The following KIRREL3 variants were observed in gnomAD, a reference collection of about 807,000 sequenced individuals.
The protein encoded by KIRREL3 is kin of IRRE-like protein 3.
KIRREL3 carries 36 observed loss-of-function variants against 89.7 expected under a neutral mutation model. The ratio of observed to expected loss-of-function variants is 0.40; its 90% confidence interval spans 0.31 to 0.53. The LOEUF is 0.53. Ranked by LOEUF, KIRREL3 falls within the 20% of genes least tolerant of loss-of-function variation. KIRREL3 has a pLI of 0.49. For missense variants in KIRREL3, 864 were observed against 1,056.6 expected (o/e 0.82, Z 2.53); for synonymous variants, 445 against 441.4 (o/e 1.01, Z -0.10).
At chr11:126,850,605 A>T (rs1944308498) in intron 1 of KIRREL3, among the ~76,000 whole-genome samples, 1 of 152,112 alleles carries the variant, frequency 6.6e-6, no homozygotes, top group Non-Finnish European at 1.5e-5. Context: ...AATCATAAAA[A>T]CCACTAAGGG....
intron 1 of KIRREL3, among the ~76,000 whole-genome samples, chr11:126,922,055 T>C (rs1947356344): frequency 6.6e-6 from 1 of 151,790 alleles, no homozygotes; most frequent in African/African-American, 2.4e-5. Context: ...CCTATCTATC[T>C]ATCCATCCAT....
rs1044533481 is a variant in KIRREL3 at position 126,931,328 on chromosome 11, C to G, written c.55+69127G>C. On this transcript the variant is annotated intron_variant, in intron 1 of 16. Transcript: ENST00000525144. This position sits in a 1 kb window ranked among gnomAD's most constrained non-coding sequence, Gnocchi z 5.1. ...TGAATGGATAGACTGGAATCTATTA[C>G]CTGCCTTTCCTCCCTCCCTCCATAC... Among the ~76,000 whole-genome samples the G allele has an allele frequency of 2.2e-5, 3 of 133,990 alleles. No individual in the cohort carries two copies. In the Admixed American group the frequency reaches 2.3e-4, roughly 10 times the overall value. The allele number at this position is 133,990 out of a possible 152,430, so 87.9% of individuals were successfully genotyped here. A position where few individuals can be genotyped will look rare whatever the true frequency, so the allele number is the denominator to read the frequency against.
In KIRREL3 at chr11:126,780,181, A is replaced by G. The variant is rs1950285801; in HGVS notation, c.56-217269T>C. Among the ~76,000 whole-genome samples, 1 of 152,218 alleles carries G rather than the reference A, an allele frequency of 6.6e-6. No individual in the cohort carries two copies. Among genetic ancestry groups the G allele is most frequent in the African/African-American group, 2.4e-5 (1 of 41,446 alleles). ...GGAGAAATTCAGGTTCAATGAAAGG[A>G]AAACAGGAAAAGACTGCAGAAGGAA... On this transcript the variant is annotated intron_variant, in intron 1 of 16. Coordinates refer to ENST00000525144, the MANE Select transcript of KIRREL3 (RefSeq NM_032531.4). This position sits in a 1 kb window ranked among gnomAD's most constrained non-coding sequence, Gnocchi z 5.3.
chr11:126,799,418 C>A (rs78214234), intron 1 of KIRREL3, among the ~76,000 whole-genome samples: 27 of 370 alleles, frequency 0.073, no homozygotes, highest in East Asian at 0.1. Flanking sequence ...GTGTGTGCGT[C>A]TCTGTGTGCA....
At chr11:126,727,717 A>G (rs1592031488) in intron 1 of KIRREL3, among the ~76,000 whole-genome samples, 2 of 152,378 alleles carry the variant, frequency 1.3e-5, no homozygotes, top group South Asian at 2.1e-4. Flanking sequence ...AAAGAAAATC[A>G]GATTTGACTT....
At chr11:126,961,699 A>G (rs1282023064) in intron 1 of KIRREL3, among the ~76,000 whole-genome samples, 5 of 152,244 alleles carry the variant, frequency 3.3e-5, no homozygotes, top group African/African-American at 1.2e-4. Context: ...GGCTACACTC[A>G]ACAACAGACT....
In KIRREL3 at chr11:126,998,502, G is replaced by A. The variant is rs187739142; in HGVS notation, c.55+1953C>T. On this transcript the variant is annotated intron_variant, in intron 1 of 16. Transcript: ENST00000525144. ...TGATGGCCAAGCTCAGAACACTCCA[G>A]GAGCACAAGGCATTAAGAACTGCAT... Among the ~76,000 whole-genome samples, 174 of 152,306 alleles carry A rather than the reference G, an allele frequency of 1.1e-3. 4 individuals carry two copies. Among genetic ancestry groups the A allele is most frequent in the African/African-American group, 2.6e-3 (107 of 41,560 alleles).
chr11:126,713,685 C>A (rs1358710460), intron 1 of KIRREL3, among the ~76,000 whole-genome samples: 1 of 152,164 alleles, frequency 6.6e-6, no homozygotes. Flanking sequence ...ATCAACTATG[C>A]AATTACCATG....
At position 126,669,665 on chromosome 11, in the gene KIRREL3, T is replaced by C. The variant is rs1291066496; in HGVS notation, c.56-106753A>G. On this transcript the variant is annotated intron_variant, in intron 1 of 16. Coordinates refer to ENST00000525144, the MANE Select transcript of KIRREL3 (RefSeq NM_032531.4). This position sits in a 1 kb window ranked among gnomAD's most constrained non-coding sequence, Gnocchi z 5.0. The stretch of plus-strand genomic sequence containing the variant: ...CAGCCAGTAAATGTTGGAGGACTCC[T>C]GCACTTCCTCGTGGGCTTTTCTCTC... Among the ~76,000 whole-genome samples, 1 of 152,212 alleles carries C rather than the reference T, an allele frequency of 6.6e-6. No individual in the cohort carries two copies. Among genetic ancestry groups the C allele is most frequent in the Non-Finnish European group, 1.5e-5 (1 of 68,040 alleles).
chr11:126,745,563 C>T (rs151321119), intron 1 of KIRREL3, among the ~76,000 whole-genome samples: 7 of 151,846 alleles, frequency 4.6e-5, no homozygotes, highest in African/African-American at 9.7e-5. Context: ...ATACTTGGTA[C>T]GGCTACTTCC....
Position 126,904,298 on chromosome 11 carries a change from T to C in KIRREL3, c.55+96157A>G, listed in dbSNP as rs762195593. Among the ~76,000 whole-genome samples the C allele has an allele frequency of 6.6e-6, 1 of 152,206 alleles. No individual in the cohort carries two copies. Among genetic ancestry groups the C allele is most frequent in the Non-Finnish European group, 1.5e-5 (1 of 68,038 alleles). ...GGTTTAAATCTACATTCAAGGTAAA[T>C]GTCTGTATTTTATGGCCCGAAGCCC... On this transcript the variant is annotated intron_variant, in intron 1 of 16. Transcript: ENST00000525144. This position sits in a 1 kb window ranked among gnomAD's most constrained non-coding sequence, Gnocchi z 4.4.
intron 1 of KIRREL3, among the ~76,000 whole-genome samples, chr11:126,823,499 G>T (rs1943295626): frequency 6.6e-6 from 1 of 152,060 alleles, no homozygotes; most frequent in South Asian, 2.1e-4. Flanking sequence ...GGTCAGAATG[G>T]ACCCTAAATG....
intron 2 of KIRREL3, among the ~76,000 whole-genome samples, chr11:126,559,285 A>G (rs913878355): frequency 1.1e-4 from 16 of 152,150 alleles, no homozygotes; most frequent in African/African-American, 3.6e-4. Context: ...TACCTACCTG[A>G]CACCTGTGGG....
intron 1 of KIRREL3, among the ~76,000 whole-genome samples, chr11:126,887,888 C>T (rs1309562633): frequency 6.6e-6 from 1 of 152,158 alleles, no homozygotes; most frequent in Non-Finnish European, 1.5e-5. Context: ...TGGAATGAGA[C>T]AGCACAGCAC....
intron 4 of KIRREL3, among the ~76,000 whole-genome samples, chr11:126,502,106 C>A (rs371544367): frequency 1.1e-4 from 16 of 152,318 alleles, no homozygotes; most frequent in African/African-American, 3.1e-4. Flanking sequence ...ACAGATACTC[C>A]GGAAGCTAAC....
rs913717936 is a variant in KIRREL3 at position 126,709,948 on chromosome 11, C to G, written c.56-147036G>C. On this transcript the variant is annotated intron_variant, in intron 1 of 16. Transcript: ENST00000525144. This position sits in a 1 kb window ranked among gnomAD's most constrained non-coding sequence, Gnocchi z 4.0. ...CTTCTATACAGCAAGCACCAGGCTA[C>G]GCTGTGAACATTCTGCATTCATTAT... is the stretch of plus-strand genomic sequence containing the variant. Among the ~76,000 whole-genome samples, 5 of 152,156 alleles carry G rather than the reference C, an allele frequency of 3.3e-5. 1 individual carries two copies. The South Asian group carries it at 1.0e-3, about 32-fold the overall frequency.
rs1196150229 is a variant in KIRREL3, at chr11:126,719,088, T to G, written c.56-156176A>C. On this transcript the variant is annotated intron_variant, in intron 1 of 16. Coordinates refer to ENST00000525144, the MANE Select transcript of KIRREL3 (RefSeq NM_032531.4). The surrounding 1 kb of genome is among the most constrained non-coding windows in gnomAD (Gnocchi z 4.7). ...GCTATACCTCCTTTGCTGTGTTCTCTTTTACAGAACTCAGAAGAGCTGTCT... is the reference window on the plus strand; with the variant it reads ...GCTATACCTCCTTTGCTGTGTTCTCGTTTACAGAACTCAGAAGAGCTGTCT... Among the ~76,000 whole-genome samples, 1 of 152,250 alleles carries G rather than the reference T, an allele frequency of 6.6e-6. No homozygotes were observed. Among genetic ancestry groups the G allele is most frequent in the Non-Finnish European group, 1.5e-5 (1 of 68,042 alleles).
chr11:126,821,436 G>A (rs1244066991), intron 1 of KIRREL3, among the ~76,000 whole-genome samples: 1 of 150,272 alleles, frequency 6.7e-6, no homozygotes, highest in Middle Eastern at 3.2e-3. Flanking sequence ...CTGGGACCTT[G>A]TAGTTTTCAG....
chr11:126,536,066 C>A (rs1434286222), intron 2 of KIRREL3, among the ~76,000 whole-genome samples: 2 of 151,974 alleles, frequency 1.3e-5, no homozygotes, highest in South Asian at 2.1e-4. Context: ...GAGCCAAGAT[C>A]GCACCATTGC....
Sources: allele counts gnomAD v4.1 joint callset (sites outside exome capture counted in the v4.1 genomes callset), GRCh38; gene constraint gnomAD v4.1.1; non-coding constraint Gnocchi (gnomAD v3.1); transcripts MANE v1.5; gene names NCBI Gene and HGNC (gene_info 2026-07-23, HGNC 2026-07-21).